Variants in BBOF1 observed in about 807,000 individuals in gnomAD.
BBOF1 encodes the protein basal body-orientation factor 1.
In BBOF1, 62 loss-of-function variants were observed where a neutral mutation model predicts 68.0. That is an observed-to-expected ratio of 0.91 (90% confidence interval 0.74 to 1.13). BBOF1 has a LOEUF of 1.13. Ranked by LOEUF, BBOF1 falls within the 50% of genes most tolerant of loss-of-function variation. BBOF1 has a pLI of 0.00. For synonymous variants in BBOF1, 208 were observed against 198.8 expected, an observed-to-expected ratio of 1.05 and a Z score of -0.39; for missense variants, 534 against 600.1, an observed-to-expected ratio of 0.89 and a Z score of 1.15.
intron 5 of BBOF1, among the ~76,000 whole-genome samples, chr14:74,043,558 A>C (rs1313640508): frequency 1.2e-5 from 1 of 86,064 alleles, no homozygotes; most frequent in Non-Finnish European, 2.3e-5. Flanking sequence ...CTCCGTCTCA[A>C]AAAAAAAAAA....
At chr14:74,067,581 T>C, downstream of BBOF1, 1 of 1,612,494 alleles carries the variant, frequency 6.2e-7, no homozygotes, top group Non-Finnish European at 8.5e-7. Flanking sequence ...TAAAAAAAAA[T>C]GCAGAAAGCA....
chr14:74,050,133 A>G lies in BBOF1; in HGVS notation c.1224A>G (p.Thr408=). ...TGRTEYPKIR[T]FDGREHSTNS... ...GAACAGAATATCCCAAAATCAGAAC[A>G]TTTGATGGCAGAGAGCACAGCACCA... Residue 408 remains threonine (T), a synonymous_variant, in exon 8 of 12, where the codon ACA becomes ACG. Transcript: ENST00000394009. 1 of 1,605,912 alleles carries G rather than the reference A, an allele frequency of 6.2e-7. No individual in the cohort carries two copies.
chr14:74,081,007 T>A (rs1369027746), intron 10 of BBOF1: 1 of 152,288 alleles, frequency 6.6e-6, no homozygotes, highest in African/African-American at 2.4e-5. Context: ...TTGCACATGC[T>A]GCTCTCTCTT....
Position 74,057,228 on chromosome 14 carries a change from T to A in BBOF1, c.1548T>A (p.Thr516=). 6.2e-7 allele frequency: 1 copy of A among 1,614,138 alleles called. No individual in the cohort carries two copies. The highest frequency in any genetic ancestry group is 8.5e-7 in the Non-Finnish European group (1 of 1,179,992). Residue 516 remains threonine (T), a synonymous_variant, in exon 11 of 12, where the codon ACT becomes ACA. Transcript: ENST00000394009. Reference sequence around the variant, plus strand: ...CTTCTGGTGAAGTGGTGCTACCCACTATTCCAAAAGAACCTCAGGAGTCTG... The same window carrying A: ...CTTCTGGTGAAGTGGTGCTACCCACAATTCCAAAAGAACCTCAGGAGTCTG... ...SDSSGEVVLP[T]IPKEPQESDT...
intron 11 of BBOF1, among the ~76,000 whole-genome samples, chr14:74,061,493 C>G (rs1333311130): frequency 1.3e-5 from 2 of 151,688 alleles, no homozygotes; most frequent in Non-Finnish European, 2.9e-5. Context: ...TAGAGAAGGG[C>G]TAATTTCAGA....
At chr14:74,034,934 TG>T (rs1206972812) in intron 4 of BBOF1, among the ~76,000 whole-genome samples, 1 of 151,806 alleles carries the variant, frequency 6.6e-6, no homozygotes, top group Non-Finnish European at 1.5e-5. Context: ...TACAAAAAAA[TG>T]TTTTAAATTA....
At chr14:74,071,222 A>G (rs1220536828) in intron 9 of BBOF1, 2 of 1,614,218 alleles carry the variant, frequency 1.2e-6, no homozygotes, top group Non-Finnish European at 1.7e-6. Context: ...ATGATGTTTA[A>G]TGTTCCATCA....
chr14:74,031,928 A>T (rs1260951093), intron 3 of BBOF1: 1 of 152,000 alleles, frequency 6.6e-6, no homozygotes, highest in Non-Finnish European at 1.5e-5. Context: ...ATCTTTTCAC[A>T]TTTTGGCCAT....
chr14:74,063,732 G>A (rs530334096), intron 11 of BBOF1, among the ~76,000 whole-genome samples: 1 of 151,424 alleles, frequency 6.6e-6, no homozygotes, highest in South Asian at 2.1e-4. Flanking sequence ...CAAGTGTGGT[G>A]GTGGGCATCT....
At chr14:74,073,429 C>G (rs2139796920) in intron 9 of BBOF1, among the ~76,000 whole-genome samples, 1 of 152,180 alleles carries the variant, frequency 6.6e-6, no homozygotes, top group East Asian at 1.9e-4. Context: ...AGATGTGGCA[C>G]AGCCTCTCAA....
chr14:74,078,151 T>C (rs1016025671), intron 9 of BBOF1: 1 of 453,624 alleles, frequency 2.2e-6, no homozygotes, highest in African/African-American at 2.0e-5. Flanking sequence ...ATTCTACTAA[T>C]TCCTCTTGTA....
chr14:74,043,269 G>T lies in BBOF1; in HGVS notation c.576+2624G>T, dbSNP rs189555346. The stretch of plus-strand genomic sequence containing the variant: ...TATATATATTTTTTAAGACAGAGTC[G>T]GCCAGGCGCGGTGGCTCACGCCTGT... On this transcript the variant is annotated intron_variant, in intron 5 of 11. Transcript: ENST00000394009. 3.6e-3 allele frequency among the ~76,000 whole-genome samples: 546 copies of T among 151,844 alleles called. 4 individuals are homozygous for T. Among genetic ancestry groups the T allele is most frequent in the African/African-American group, 0.012 (514 of 41,444 alleles).
intron 5 of BBOF1, among the ~76,000 whole-genome samples, chr14:74,042,122 G>A (rs144514376): frequency 5.6e-4 from 86 of 152,290 alleles, no homozygotes; most frequent in African/African-American, 2.0e-3. Flanking sequence ...CAATCCTTCT[G>A]CCTTGACCTC....
chr14:74,024,398 G>T (rs2059378434), intron 2 of BBOF1, among the ~76,000 whole-genome samples: 1 of 152,162 alleles, frequency 6.6e-6, no homozygotes, highest in Non-Finnish European at 1.5e-5. Flanking sequence ...TGAAGCTGCA[G>T]TGAGCCATGG....
intron 7 of BBOF1, among the ~76,000 whole-genome samples, chr14:74,048,951 C>T (rs563385930): frequency 1.2e-4 from 18 of 152,286 alleles, no homozygotes; most frequent in Admixed American, 4.6e-4. Context: ...TGGCTCACTG[C>T]AACCTTTACC....
In BBOF1 at chr14:74,023,090, C is replaced by T; in HGVS notation, c.231C>T (p.Asp77=). The T allele has an allele frequency of 6.2e-7, 1 of 1,601,222 alleles. No homozygotes were observed. The highest frequency in any genetic ancestry group is 8.5e-7 in the Non-Finnish European group (1 of 1,173,644). ...AAAAGCAATGTAAAATGGAGAAAGA[C>T]ATAATGTCAGTATTAAGTTACCTGA... ...LKKKQCKMEK[D]IMSVLSYLKK... The change falls in exon 2 of 12, where the codon GAC becomes GAT. Residue 77 remains aspartate (D), a synonymous_variant. Transcript: ENST00000394009.
At chr14:74,047,440 T>A (rs760771246) in intron 6 of BBOF1, among the ~76,000 whole-genome samples, 48 of 151,746 alleles carry the variant, frequency 3.2e-4, no homozygotes, top group Non-Finnish European at 5.9e-4. Context: ...TATTTATTTA[T>A]TTATTTTTGA....
intron 5 of BBOF1, 75 bp from the exon 6 acceptor site, chr14:74,045,984 TA>T: frequency 7.5e-7 from 1 of 1,334,864 alleles, no homozygotes; most frequent in Non-Finnish European, 1.0e-6. Flanking sequence ...TTTGACATTC[TA>T]AAATAAATAT....
In BBOF1 at chr14:74,065,733, A is replaced by G. The variant is rs2060451888; in HGVS notation, c.*1034A>G. 1 of 230,822 alleles carries G rather than the reference A, an allele frequency of 4.3e-6. No homozygotes were observed. Among genetic ancestry groups the G allele is most frequent in the African/African-American group, 2.3e-5 (1 of 43,046 alleles). The allele number at this position is 230,822 out of a possible 1,614,324, so 14.3% of individuals were successfully genotyped here. A position where few individuals can be genotyped will look rare whatever the true frequency, so the allele number is the denominator to read the frequency against. ...TATAAATCCAATCTATAGTAAATATACCAGGATAATTTTTCTCTTTACAGA... is the reference window on the plus strand; with the variant it reads ...TATAAATCCAATCTATAGTAAATATGCCAGGATAATTTTTCTCTTTACAGA... On this transcript the variant is annotated 3_prime_UTR_variant, in exon 12 of 12. Coordinates refer to ENST00000394009, the MANE Select transcript of BBOF1 (RefSeq NM_025057.3).
Sources: gnomAD v4.1 joint callset for allele counts (sites outside exome capture counted in the v4.1 genomes callset) on GRCh38, gnomAD v4.1.1 for gene constraint, MANE v1.5 for transcripts, NCBI Gene and HGNC (gene_info 2026-07-23, HGNC 2026-07-21) for gene names.